DSG3: variants seen among roughly 807,000 people sequenced by gnomAD.
DSG3 encodes desmoglein-3.
A neutral mutation model predicts 85.9 loss-of-function variants in DSG3; 63 were observed. The ratio of observed to expected loss-of-function variants is 0.73; its 90% CI spans 0.60 to 0.90. The LOEUF is 0.90. Among genes scored for constraint, DSG3 ranks in the 40% least tolerant of loss-of-function variants. The probability of loss-of-function intolerance (pLI) is 0.00; values close to 1 mark genes in which losing one functional copy is unlikely to be tolerated. For synonymous variants in DSG3, 447 were observed against 441.9 expected (o/e 1.01, Z -0.14); for missense variants, 1,220 against 1,219.9 (o/e 1.00, Z 0.00).
Position 31,459,964 on chromosome 18 carries a change from A to C in DSG3, c.637A>C (p.Arg213=), listed in dbSNP as rs201738168. Residue 213 remains arginine (R), a synonymous_variant, in exon 6 of 16, where the codon AGA becomes CGA. Transcript: ENST00000257189. ...AGGCACACCCATGTTCCTCCTAAGC[A>C]GAAACACTGGGGAAGTCCGTACTTT... ...PAGTPMFLLS[R]NTGEVRTLTN... 4 of 1,613,958 alleles carry C rather than the reference A, an allele frequency of 2.5e-6. No homozygotes were observed. The African/African-American group carries it at 5.3e-5, about 22-fold the overall frequency.
chr18:31,463,232 T>C (rs1410281589), intron 8 of DSG3, among the ~76,000 whole-genome samples: 2 of 152,216 alleles, frequency 1.3e-5, no homozygotes, highest in Non-Finnish European at 2.9e-5. Flanking sequence ...CTTTCACACA[T>C]AGACCCTATC....
At chr18:31,450,301 A>C (rs951584159) in intron 1 of DSG3, among the ~76,000 whole-genome samples, 1 of 152,224 alleles carries the variant, frequency 6.6e-6, no homozygotes, top group African/African-American at 2.4e-5. Context: ...AGGCAGGCAC[A>C]GTTAGGATTT....
At chr18:31,472,609 GA>G (rs1349465318) in intron 13 of DSG3, 115 bp from the exon 14 acceptor site, 6 of 1,298,238 alleles carry the variant, frequency 4.6e-6, no homozygotes, top group Non-Finnish European at 6.5e-6. Flanking sequence ...ATCGCTGAAA[GA>G]ATTTGCACTT....
intron 6 of DSG3, 69 bp from the exon 7 acceptor site, chr18:31,460,764 G>T: frequency 7.4e-7 from 1 of 1,356,882 alleles, no homozygotes; most frequent in Admixed American, 2.5e-5. Context: ...TTACCCATAG[G>T]AATCAAGTAG....
rs777327669 is a variant in DSG3 at position 31,459,137 on chromosome 18, A to G, written c.477A>G (p.Gln159=). 1.2e-6 allele frequency: 2 copies of G among 1,613,172 alleles called. No homozygotes were observed. The highest frequency in any genetic ancestry group is 3.3e-5 in the Admixed American group (2 of 59,956). Residue 159 remains glutamine, a synonymous_variant, in exon 5 of 16, where the codon CAA becomes CAG. Transcript: ENST00000257189. The stretch of plus-strand genomic sequence containing the variant: ...ATGATAATCCTCCAGTATTTTCACA[A>G]CAAATTTTCATGGGTGAAATTGAAG... The part of the protein sequence containing the change: ...DINDNPPVFS[Q]QIFMGEIEEN...
intron 10 of DSG3, among the ~76,000 whole-genome samples, 197 bp downstream of exon 10, chr18:31,465,654 G>A (rs1023409969): frequency 1.3e-5 from 2 of 152,202 alleles, no homozygotes; most frequent in Non-Finnish European, 2.9e-5. Flanking sequence ...AGTGGAGATT[G>A]AACCAGTGAA....
chr18:31,455,113 G>A (rs2072734379), intron 1 of DSG3, among the ~76,000 whole-genome samples: 1 of 151,860 alleles, frequency 6.6e-6, no homozygotes, highest in South Asian at 2.1e-4. Context: ...CCATTAGCTA[G>A]GGCAAAGTAT....
At chr18:31,453,229 G>A (rs1304592560) in intron 1 of DSG3, among the ~76,000 whole-genome samples, 1 of 152,082 alleles carries the variant, frequency 6.6e-6, no homozygotes, top group Non-Finnish European at 1.5e-5. Flanking sequence ...TTTAAAATTT[G>A]GACTGATTTA....
chr18:31,476,909 A>G lies in DSG3; in HGVS notation c.*649A>G, dbSNP rs1046206320. ...GGGAAGCGGAGCTTGCAGTGAGCCG[A>G]GATTGCGCCACTGCAGTCCGCAGTC... is the stretch of plus-strand genomic sequence containing the variant. On this transcript the variant is annotated 3_prime_UTR_variant, in exon 16 of 16. Coordinates refer to ENST00000257189, the MANE Select transcript of DSG3 (RefSeq NM_001944.3). The G allele has an allele frequency of 1.3e-5, 2 of 149,322 alleles. No homozygotes were observed. The highest frequency in any genetic ancestry group is 6.7e-5 in the Admixed American group (1 of 14,830). The allele number at this position is 149,322 out of a possible 1,614,324, so 9.2% of individuals were successfully genotyped here.
chr18:31,472,612 T>TAACCA (rs1210154655), intron 13 of DSG3, 113 bp from the exon 14 acceptor site: 6 of 1,301,580 alleles, frequency 4.6e-6, no homozygotes, highest in Non-Finnish European at 6.5e-6. Flanking sequence ...GCTGAAAGAA[T>TAACCA]TTGCACTTCT....
At chr18:31,457,604 CT>C (rs1159237247) in intron 3 of DSG3, among the ~76,000 whole-genome samples, 54 of 96,606 alleles carry the variant, frequency 5.6e-4, no homozygotes, top group African/African-American at 2.2e-3. Flanking sequence ...TTCTTTCTTT[CT>C]TTCTTTCTTT....
chr18:31,457,553 CTTTCTT>C (rs1568086382), intron 3 of DSG3, among the ~76,000 whole-genome samples: 6 of 114,770 alleles, frequency 5.2e-5, no homozygotes, highest in African/African-American at 2.6e-4. Flanking sequence ...CTTTCTCTTT[CTTTCTT>C]TCTTTCTTTC....
intron 3 of DSG3, 68 bp downstream of exon 3, chr18:31,457,192 C>T (rs1004066391): frequency 3.0e-5 from 44 of 1,479,836 alleles, no homozygotes; most frequent in South Asian, 5.6e-5. Flanking sequence ...TAAAATAATA[C>T]GGCAATTCCA....
At position 31,474,333 on chromosome 18, in the gene DSG3, A is replaced by T. The variant is rs754934420; in HGVS notation, c.2314A>T (p.Thr772Ser). The T allele has an allele frequency of 5.0e-6, 8 of 1,614,112 alleles. No homozygotes were observed. The highest frequency in any genetic ancestry group is 5.9e-6 in the Non-Finnish European group (7 of 1,180,034). The change falls in exon 15 of 16, where the codon ACT becomes TCT. Residue 772 changes from threonine (T) to serine (S), a missense_variant. Coordinates refer to ENST00000257189, the MANE Select transcript of DSG3 (RefSeq NM_001944.3). ...TGGAACCATGAGAACAAGGCATTCC[A>T]CTGGAGGAACCAATAAGGACTACGC... ...QSGTMRTRHS[T>S]GGTNKDYADG... is the part of the protein sequence containing the mutation.
chr18:31,478,384 A>G lies in DSG3; in HGVS notation c.*2124A>G, dbSNP rs1044421567. 2.6e-5 allele frequency: 4 copies of G among 151,176 alleles called. No individual in the cohort carries two copies. Among genetic ancestry groups the G allele is most frequent in the African/African-American group, 9.9e-5 (4 of 40,520 alleles). The allele number at this position is 151,176 out of a possible 1,614,324, so 9.4% of individuals were successfully genotyped here. A position where few individuals can be genotyped will look rare whatever the true frequency, so the allele number is the denominator to read the frequency against. ...TTTTAACCTTGCCGCTTAAAACCCAATTTACCGTGAAATGGGAATTTTGCT... is the reference window on the plus strand; with the variant it reads ...TTTTAACCTTGCCGCTTAAAACCCAGTTTACCGTGAAATGGGAATTTTGCT... On this transcript the variant is annotated 3_prime_UTR_variant, in exon 16 of 16. Coordinates refer to ENST00000257189, the MANE Select transcript of DSG3 (RefSeq NM_001944.3).
At chr18:31,475,158 G>A (rs1468199169) in intron 15 of DSG3, among the ~76,000 whole-genome samples, 1 of 152,160 alleles carries the variant, frequency 6.6e-6, no homozygotes, top group East Asian at 1.9e-4. Context: ...TTGAAAAGTA[G>A]GATGCTTGCC....
rs1263601009 is a variant in DSG3, at chr18:31,469,082, T to C, written c.1637-7T>C. ...TACTGTTGATTTGCATGATTCTTTC[T>C]CTACAGCTACCTCGGCCCTCCTCAG... On this transcript the variant is annotated splice_region_variant and splice_polypyrimidine_tract_variant and intron_variant, in intron 11 of 15. Coordinates refer to ENST00000257189, the MANE Select transcript of DSG3 (RefSeq NM_001944.3). 1 of 1,611,754 alleles carries C rather than the reference T, an allele frequency of 6.2e-7. No homozygotes were observed. The highest frequency in any genetic ancestry group is 1.7e-5 in the Admixed American group (1 of 59,996).
At position 31,461,353 on chromosome 18, in the gene DSG3, A is replaced by C; in HGVS notation, c.940A>C (p.Asn314His). The C allele has an allele frequency of 6.2e-7, 1 of 1,613,824 alleles. No individual in the cohort carries two copies. The highest frequency in any genetic ancestry group is 8.5e-7 in the Non-Finnish European group (1 of 1,179,838). ...VYFFTSGNEG[N>H]WFEIQTDPRT... ...TTTCTTTACCTCTGGGAATGAAGGA[A>C]ATTGGTTTGAAATACAAACTGATCC... is the stretch of plus-strand genomic sequence containing the variant. Residue 314 changes from asparagine to histidine, a missense_variant, in exon 8 of 16, where the codon AAT becomes CAT. Physicochemically the swap from Asn to His is moderately conservative, Grantham distance 68. Coordinates refer to ENST00000257189, the MANE Select transcript of DSG3 (RefSeq NM_001944.3).
chr18:31,455,707 C>T (rs769488390), intron 1 of DSG3, among the ~76,000 whole-genome samples: 4 of 152,192 alleles, frequency 2.6e-5, no homozygotes, highest in Non-Finnish European at 2.9e-5. Flanking sequence ...ATGAATGTCT[C>T]ATATGCTCTT....
Sources: gnomAD v4.1 joint callset for allele counts (sites outside exome capture counted in the v4.1 genomes callset) on GRCh38, gnomAD v4.1.1 for gene constraint, MANE v1.5 for transcripts, NCBI Gene and HGNC (gene_info 2026-07-23, HGNC 2026-07-21) for gene names.